Variants in DERL1 observed in about 807,000 individuals in gnomAD.
DERL1 encodes the protein derlin 1.
Under a neutral mutation model 41.6 loss-of-function variants are expected in DERL1, and 24 were observed. That is an observed-to-expected ratio of 0.58 (90% CI 0.42 to 0.81). DERL1 has a LOEUF of 0.81. DERL1 is among the 30% of genes least tolerant of loss of function. The pLI is 0.00. For missense variants in DERL1, 260 were observed against 314.3 expected, an observed-to-expected ratio of 0.83 and a Z score of 1.31; for synonymous variants, 124 against 112.5, an observed-to-expected ratio of 1.10 and a Z score of -0.65.
At chr8:123,040,354 T>C (rs1489830357) in intron 1 of DERL1, among the ~76,000 whole-genome samples, 1 of 152,146 alleles carries the variant, frequency 6.6e-6, no homozygotes, top group Non-Finnish European at 1.5e-5. Context: ...TGAAGAAGGT[T>C]AGGAGGTAAA....
intron 3 of DERL1, among the ~76,000 whole-genome samples, chr8:123,024,516 G>A (rs945944019): frequency 5.3e-5 from 8 of 152,186 alleles, no homozygotes; most frequent in African/African-American, 1.2e-4. Context: ...GCAGAGAAAC[G>A]TACTGTGTCC....
chr8:123,022,050 A>C (rs1250699624), intron 5 of DERL1, among the ~76,000 whole-genome samples: 4 of 152,216 alleles, frequency 2.6e-5, no homozygotes, highest in Non-Finnish European at 5.9e-5. Flanking sequence ...TCATACCAAG[A>C]GCTAAAGGAG....
chr8:123,021,865 T>C (rs1256396260), intron 5 of DERL1, among the ~76,000 whole-genome samples: 1 of 152,182 alleles, frequency 6.6e-6, no homozygotes, highest in Non-Finnish European at 1.5e-5. Flanking sequence ...AGCCAACAAA[T>C]TGCTACAAAT....
At chr8:123,040,431 C>G (rs1813025750) in intron 1 of DERL1, among the ~76,000 whole-genome samples, 1 of 152,140 alleles carries the variant, frequency 6.6e-6, no homozygotes, top group Non-Finnish European at 1.5e-5. Context: ...AGGAGAGATC[C>G]AGATAAGCAC....
chr8:123,021,754 G>A (rs1279044207), intron 5 of DERL1, among the ~76,000 whole-genome samples: 1 of 152,146 alleles, frequency 6.6e-6, no homozygotes, highest in Non-Finnish European at 1.5e-5. Flanking sequence ...TGCAATACAG[G>A]CCCTGCTGAA....
intron 1 of DERL1, among the ~76,000 whole-genome samples, chr8:123,033,299 A>G (rs1194695311): frequency 6.6e-6 from 1 of 152,222 alleles, no homozygotes; most frequent in Non-Finnish European, 1.5e-5. Flanking sequence ...TAAATGAATT[A>G]GAACCATTCT....
At chr8:123,026,118 G>A (rs911361927) in intron 2 of DERL1, among the ~76,000 whole-genome samples, 3 of 152,058 alleles carry the variant, frequency 2.0e-5, no homozygotes, top group African/African-American at 7.2e-5. Flanking sequence ...GTGTCAGTAA[G>A]GCAAAAAGAT....
At chr8:123,035,906 A>C (rs1335698063) in intron 1 of DERL1, among the ~76,000 whole-genome samples, 2 of 152,042 alleles carry the variant, frequency 1.3e-5, no homozygotes, top group East Asian at 3.9e-4. Context: ...AATAATAAGG[A>C]TCACTTGATT....
At chr8:123,030,004 G>A (rs1812787677) in intron 2 of DERL1, among the ~76,000 whole-genome samples, 1 of 152,058 alleles carries the variant, frequency 6.6e-6, no homozygotes, top group Non-Finnish European at 1.5e-5. Flanking sequence ...AGGCTACAGT[G>A]AACTGAGATG....
chr8:123,021,426 A>G, intron 6 of DERL1, 21 bp downstream of exon 6: 1 of 1,605,158 alleles, frequency 6.2e-7, no homozygotes, highest in Non-Finnish European at 8.5e-7. Context: ...TTTCCAATTA[A>G]ATAAATCTAA....
At chr8:123,036,794 T>C (rs1285189881) in intron 1 of DERL1, among the ~76,000 whole-genome samples, 1 of 152,198 alleles carries the variant, frequency 6.6e-6, no homozygotes, top group African/African-American at 2.4e-5. Context: ...TCCAAGTTCA[T>C]TCTCCTCCCT....
chr8:123,026,480 T>C (rs143690525), intron 2 of DERL1, among the ~76,000 whole-genome samples: 1 of 152,356 alleles, frequency 6.6e-6, no homozygotes, highest in East Asian at 1.9e-4. Flanking sequence ...AAACCTCAAA[T>C]AAGCCAACTC....
intron 2 of DERL1, among the ~76,000 whole-genome samples, chr8:123,030,060 A>AAAAAT (rs201414430): frequency 1.3e-5 from 2 of 151,834 alleles, no homozygotes; most frequent in East Asian, 1.9e-4. Flanking sequence ...ATTGTCTCAA[A>AAAAAT]AAATAAATAA....
At chr8:123,031,502 G>A (rs183572729) in intron 1 of DERL1, among the ~76,000 whole-genome samples, 4 of 151,938 alleles carry the variant, frequency 2.6e-5, no homozygotes, top group Admixed American at 2.6e-4. Context: ...CCAAGATCGC[G>A]CCACTACACT....
intron 1 of DERL1, among the ~76,000 whole-genome samples, chr8:123,032,494 C>T (rs573368114): frequency 6.6e-6 from 1 of 152,280 alleles, no homozygotes; most frequent in South Asian, 2.1e-4. Flanking sequence ...TTTCTGATGT[C>T]ATTAGACTTT....
chr8:123,041,567 T>C (rs1813070964), intron 1 of DERL1, among the ~76,000 whole-genome samples: 2 of 152,180 alleles, frequency 1.3e-5, no homozygotes, highest in South Asian at 2.1e-4. Context: ...CAGCTATAAG[T>C]TGGTGAAGTT....
intron 1 of DERL1, among the ~76,000 whole-genome samples, chr8:123,036,196 T>C (rs1812924287): frequency 6.6e-6 from 1 of 152,150 alleles, no homozygotes. Flanking sequence ...ATTAGAATGT[T>C]CATAGCAGCA....
At chr8:123,027,070 C>T (rs1460617541) in intron 2 of DERL1, among the ~76,000 whole-genome samples, 1 of 151,566 alleles carries the variant, frequency 6.6e-6, no homozygotes, top group Non-Finnish European at 1.5e-5. Context: ...CTGAGGTGGG[C>T]GAATCACTTG....
In DERL1 at chr8:123,030,656, A is replaced by C; in HGVS notation, c.214T>G (p.Tyr72Asp). Residue 72 changes from tyrosine (Y) to aspartate (D), a missense_variant, in exon 2 of 8, where the codon TAT (tyrosine) becomes GAT (aspartate). Transcript: ENST00000259512. ...FPVGPGTGFLYLVNLYFLYQY... is the reference protein window; with the variant it reads ...FPVGPGTGFLDLVNLYFLYQY... ...TATAAGAAATATAAATTGACCAAATAAAGAAATCCAGTTCCTGGACCCACA... is the reference window on the plus strand; with the variant it reads ...TATAAGAAATATAAATTGACCAAATCAAGAAATCCAGTTCCTGGACCCACA... 1 of 1,612,646 alleles carries C rather than the reference A, an allele frequency of 6.2e-7. No homozygotes were observed. The highest frequency in any genetic ancestry group is 8.5e-7 in the Non-Finnish European group (1 of 1,179,550).
Sources: allele counts gnomAD v4.1 joint callset (sites outside exome capture counted in the v4.1 genomes callset), GRCh38; gene constraint gnomAD v4.1.1; transcripts MANE v1.5; gene names NCBI Gene and HGNC (gene_info 2026-07-23, HGNC 2026-07-21).